PRTG: variants seen among roughly 807,000 people sequenced by gnomAD.
PRTG encodes the protein protogenin.
PRTG carries 67 observed loss-of-function variants against 122.5 expected under a neutral mutation model. The ratio of observed to expected loss-of-function variants is 0.55; its 90% CI spans 0.45 to 0.67. The LOEUF (loss-of-function observed/expected upper bound fraction) is 0.67, where lower values mean the gene tolerates loss of function less well. Ranked by LOEUF, PRTG falls within the 30% of genes least tolerant of loss-of-function variation. The pLI, the probability that PRTG is intolerant of heterozygous loss-of-function variation, is 0.00. For missense variants in PRTG, 1,435 were observed against 1,415.4 expected (o/e 1.01, Z -0.22); for synonymous variants, 554 against 501.1 (o/e 1.11, Z -1.41).
In PRTG at chr15:55,627,051, T is replaced by A. The variant is rs764188349; in HGVS notation, c.2884A>T (p.Ile962Phe). Residue 962 changes from isoleucine to phenylalanine, a missense_variant, in exon 17 of 20, where the codon ATC (isoleucine) becomes TTC (phenylalanine). Ile to Phe is a conservative substitution (Grantham distance 21). Transcript: ENST00000389286. The stretch of plus-strand genomic sequence containing the variant: ...ATCAAGATGAGAACACAGATGAGGA[T>A]GCAGGTCAAGGCTATGCCAACACCT... ...AVGVGIALTC[I>F]LICVLILIYR... is the part of the protein sequence containing the mutation. 3 of 1,612,858 alleles carry A rather than the reference T, an allele frequency of 1.9e-6. No individual in the cohort carries two copies. The highest frequency in any genetic ancestry group is 2.5e-6 in the Non-Finnish European group (3 of 1,179,300).
chr15:55,679,973 A>G (rs910658637), intron 6 of PRTG, 81 bp downstream of exon 6: 7 of 1,121,092 alleles, frequency 6.2e-6, no homozygotes, highest in African/African-American at 1.6e-5. Context: ...AAAGCTCAAG[A>G]AAGAAGTAAG....
At chr15:55,689,691 GC>G (rs2059589811) in intron 2 of PRTG, among the ~76,000 whole-genome samples, 1 of 151,904 alleles carries the variant, frequency 6.6e-6, no homozygotes, top group African/African-American at 2.4e-5. Flanking sequence ...ACTTTGGGAG[GC>G]CAAGGCGGGT....
In PRTG at chr15:55,682,400, G is replaced by A. The variant is rs773682994; in HGVS notation, c.640C>T (p.Arg214Cys). The A allele has an allele frequency of 5.2e-5, 84 of 1,605,408 alleles. No individual in the cohort carries two copies. The highest frequency in any genetic ancestry group is 2.7e-4 in the South Asian group (24 of 90,042). ...RCIAATVAHR[R>C]KSMEASLTVI... ...GTTAGCGAGGCCTCCATACTTTTAC[G>A]TCGGTGGGCTACAGTGGCAGCAATA... Residue 214 changes from arginine to cysteine, a missense_variant, in exon 4 of 20, where the codon CGT becomes TGT. Physicochemically the swap from Arg to Cys is radical, Grantham distance 180. Transcript: ENST00000389286.
Position 55,620,022 on chromosome 15 carries a change from G to T in PRTG, c.3443C>A (p.Pro1148His). 1 of 1,614,034 alleles carries T rather than the reference G, an allele frequency of 6.2e-7. No individual in the cohort carries two copies. The highest frequency in any genetic ancestry group is 8.5e-7 in the Non-Finnish European group (1 of 1,179,974). Residue 1148 changes from proline to histidine, a missense_variant, in exon 20 of 20, where the codon CCC (proline) becomes CAC (histidine). Transcript: ENST00000389286. ...HLSSVISTTP[P>H]NL is the part of the protein sequence containing the mutation. ...CTGCCAGTGAAAGAATCAGAGGTTG[G>T]GGGGTGTGGTACTTATAACTGAGGA... is the stretch of plus-strand genomic sequence containing the variant.
At chr15:55,677,088 A>G (rs977761779) in intron 8 of PRTG, among the ~76,000 whole-genome samples, 1 of 152,184 alleles carries the variant, frequency 6.6e-6, no homozygotes, top group Admixed American at 6.6e-5. Context: ...TTCTATGAAA[A>G]AGCAAGAGAG....
At chr15:55,734,930 A>G (rs79234996) in intron 2 of PRTG, among the ~76,000 whole-genome samples, 10,705 of 152,246 alleles carry the variant, frequency 0.07, 469 homozygotes, top group Non-Finnish European at 0.1. Context: ...GTACACTGCA[A>G]TTATCAATTG....
At position 55,673,485 on chromosome 15, in the gene PRTG, C is replaced by G; in HGVS notation, c.1738G>C (p.Gly580Arg). 6.2e-7 allele frequency: 1 copy of G among 1,614,132 alleles called. No homozygotes were observed. Among genetic ancestry groups the G allele is most frequent in the Non-Finnish European group, 8.5e-7 (1 of 1,180,038 alleles). ...AGGTAGACACTGTCAGGTTTCAGGC[C>G]TTCCAAAAGGTACTCATGCGTGGTC... ...PGTTHEYLLEGLKPDSVYLVR... is the reference protein window; with the variant it reads ...PGTTHEYLLERLKPDSVYLVR... Residue 580 changes from glycine to arginine, a missense_variant, in exon 10 of 20, where the codon GGC (glycine) becomes CGC (arginine). Coordinates refer to ENST00000389286, the MANE Select transcript of PRTG (RefSeq NM_173814.6).
intron 11 of PRTG, among the ~76,000 whole-genome samples, chr15:55,668,945 A>G (rs2059453025): frequency 6.6e-6 from 1 of 152,160 alleles, no homozygotes; most frequent in Admixed American, 6.5e-5. Context: ...CGTCAATTTA[A>G]TGTCTTTTAA....
At chr15:55,644,426 G>A (rs762294209) in intron 11 of PRTG, among the ~76,000 whole-genome samples, 18 of 152,102 alleles carry the variant, frequency 1.2e-4, no homozygotes, top group Non-Finnish European at 2.1e-4. Flanking sequence ...TCCTGGAATG[G>A]TTCCATTTGT....
At chr15:55,734,181 C>T (rs1211949389) in intron 2 of PRTG, among the ~76,000 whole-genome samples, 4 of 152,144 alleles carry the variant, frequency 2.6e-5, no homozygotes, top group Non-Finnish European at 5.9e-5. Flanking sequence ...TGTGCCAAGG[C>T]TGAGATACCT....
chr15:55,685,637 A>AT (rs1238434527), intron 2 of PRTG, among the ~76,000 whole-genome samples: 3 of 152,164 alleles, frequency 2.0e-5, no homozygotes, highest in African/African-American at 7.2e-5. Flanking sequence ...CCTCTGGCTA[A>AT]TTTTTTCCTC....
chr15:55,642,474 G>A (rs557007909), intron 11 of PRTG, among the ~76,000 whole-genome samples: 13 of 151,678 alleles, frequency 8.6e-5, no homozygotes, highest in Non-Finnish European at 1.6e-4. Context: ...AAAATTAGCC[G>A]GACGTGATGG....
At chr15:55,720,845 T>A (rs2030790762) in intron 2 of PRTG, among the ~76,000 whole-genome samples, 1 of 152,190 alleles carries the variant, frequency 6.6e-6, no homozygotes, top group South Asian at 2.1e-4. Context: ...ATTTATGAAT[T>A]TGTGTTGGGC....
intron 11 of PRTG, among the ~76,000 whole-genome samples, chr15:55,668,426 G>A (rs923022142): frequency 6.6e-6 from 1 of 152,088 alleles, no homozygotes; most frequent in Non-Finnish European, 1.5e-5. Context: ...GAAAAAAGGG[G>A]AACAAATCAT....
In PRTG at chr15:55,673,663, A is replaced by T. The variant is rs2059486443; in HGVS notation, c.1560T>A (p.Pro520=). The T allele has an allele frequency of 7.4e-6, 12 of 1,613,518 alleles. No individual in the cohort carries two copies. The highest frequency in any genetic ancestry group is 1.7e-5 in the Admixed American group (1 of 59,996). ...TTCGACTTGTCAAACTAATTTCAGG[A>T]GGTCTCAGGGGAACTAGTCATAGAA... ...QNTLEDVPLR[P]PEISLTSRSP... Residue 520 remains proline (P), a synonymous_variant, in exon 10 of 20, where the codon CCT becomes CCA. Transcript: ENST00000389286.
intron 11 of PRTG, among the ~76,000 whole-genome samples, chr15:55,667,007 TAA>T (rs1184582102): frequency 6.6e-6 from 1 of 152,172 alleles, no homozygotes; most frequent in Non-Finnish European, 1.5e-5. Context: ...GTGGTTTCTA[TAA>T]TAGAACATTG....
intron 2 of PRTG, among the ~76,000 whole-genome samples, chr15:55,726,546 T>C (rs1486825438): frequency 6.6e-6 from 1 of 151,202 alleles, no homozygotes; most frequent in Admixed American, 6.6e-5. Flanking sequence ...GCAGGACAAT[T>C]GCTTGAACCC....
intron 2 of PRTG, among the ~76,000 whole-genome samples, chr15:55,712,851 A>G (rs1450774075): frequency 1.3e-5 from 2 of 152,340 alleles, no homozygotes; most frequent in South Asian, 2.1e-4. Flanking sequence ...AATGTACCAG[A>G]TATTTAATTT....
rs61634198 is a variant in PRTG at position 55,613,759 on chromosome 15, C to CTTTTTTTTT, written c.*6244_*6252dup. ...ACTATGACCCTGGGTGATTAAATAC[C>CTTTTTTTTT]TTTTTTTTTTTTTTTTTTTTTTAAG... is the stretch of plus-strand genomic sequence containing the variant. On this transcript the variant is annotated 3_prime_UTR_variant, in exon 20 of 20. Transcript: ENST00000389286. The CTTTTTTTTT allele has an allele frequency of 8.3e-6, 1 of 120,546 alleles. No homozygotes were observed. Among genetic ancestry groups the CTTTTTTTTT allele is most frequent in the Non-Finnish European group, 1.7e-5 (1 of 59,076 alleles). The allele number at this position is 120,546 out of a possible 1,614,324, so 7.5% of individuals were successfully genotyped here.
Sources: allele counts gnomAD v4.1 joint callset (sites outside exome capture counted in the v4.1 genomes callset), GRCh38; gene constraint gnomAD v4.1.1; transcripts MANE v1.5; gene names NCBI Gene and HGNC (gene_info 2026-07-23, HGNC 2026-07-21).